Variants in OLFM3 observed in about 807,000 individuals in gnomAD.
OLFM3 encodes the protein olfactomedin 3.
A neutral mutation model predicts 48.6 loss-of-function variants in OLFM3; 20 were observed. That is an observed-to-expected ratio of 0.41 (90% CI 0.29 to 0.60). The LOEUF is 0.60. Among genes scored for constraint, OLFM3 ranks in the 20% least tolerant of loss-of-function variants. The pLI is 0.28. For missense variants in OLFM3, 437 were observed against 544.3 expected, an observed-to-expected ratio of 0.80 and a Z score of 1.96; for synonymous variants, 222 against 198.1, an observed-to-expected ratio of 1.12 and a Z score of -1.01.
intron 1 of OLFM3, among the ~76,000 whole-genome samples, chr1:101,931,237 C>T (rs1412210242): frequency 2.6e-5 from 4 of 152,124 alleles, no homozygotes; most frequent in African/African-American, 9.7e-5. Flanking sequence ...TTCTTTTGTA[C>T]AAATGCATAA....
chr1:101,869,280 A>G (rs1251799518), intron 1 of OLFM3, among the ~76,000 whole-genome samples: 1 of 152,180 alleles, frequency 6.6e-6, no homozygotes, highest in Non-Finnish European at 1.5e-5. Context: ...AGAGCTACCC[A>G]AGGCTCTGGG....
intron 1 of OLFM3, among the ~76,000 whole-genome samples, chr1:101,883,342 T>TAC (rs948633950): frequency 1.2e-4 from 18 of 149,932 alleles, no homozygotes; most frequent in East Asian, 2.0e-4. Context: ...ACTCTATATA[T>TAC]ACACACACAC....
intron 1 of OLFM3, among the ~76,000 whole-genome samples, chr1:101,972,979 C>T (rs779779698): frequency 5.3e-5 from 8 of 151,982 alleles, no homozygotes; most frequent in Non-Finnish European, 8.8e-5. Flanking sequence ...GGCCTTGAGG[C>T]GTTCATGAGA....
At chr1:101,984,513 TCAG>T (rs897181652) in intron 1 of OLFM3, among the ~76,000 whole-genome samples, 5 of 152,152 alleles carry the variant, frequency 3.3e-5, no homozygotes, top group Non-Finnish European at 5.9e-5. Context: ...TTCTCCTGCC[TCAG>T]CATCCCAAGT....
chr1:101,805,150 G>T (rs1324146204), intron 5 of OLFM3, among the ~76,000 whole-genome samples: 2 of 151,666 alleles, frequency 1.3e-5, no homozygotes, highest in Non-Finnish European at 2.9e-5. Flanking sequence ...TTGCTTTTTT[G>T]CTTTTTCTCT....
intron 1 of OLFM3, among the ~76,000 whole-genome samples, chr1:101,952,080 C>A (rs780529084): frequency 6.6e-6 from 1 of 152,034 alleles, no homozygotes; most frequent in Non-Finnish European, 1.5e-5. Flanking sequence ...TACTTTTGAT[C>A]AAAAGTCACT....
chr1:101,813,744 C>T (rs138622995), intron 4 of OLFM3, among the ~76,000 whole-genome samples: 2 of 152,296 alleles, frequency 1.3e-5, no homozygotes, highest in African/African-American at 4.8e-5. Flanking sequence ...TGCCCAATTG[C>T]AGGCTTTGTC....
intron 1 of OLFM3, among the ~76,000 whole-genome samples, chr1:101,921,259 A>G (rs2101038276): frequency 6.6e-6 from 1 of 151,748 alleles, no homozygotes; most frequent in African/African-American, 2.4e-5. Flanking sequence ...CCAACCTCTT[A>G]TAAGGCTGGT....
intron 1 of OLFM3, among the ~76,000 whole-genome samples, chr1:101,991,623 T>C (rs1379785385): frequency 1.3e-5 from 2 of 151,804 alleles, no homozygotes; most frequent in Non-Finnish European, 2.9e-5. Flanking sequence ...TCTTTTCATA[T>C]GGAAAACAAG....
At chr1:101,887,087 T>A (rs1657793087) in intron 1 of OLFM3, among the ~76,000 whole-genome samples, 1 of 151,990 alleles carries the variant, frequency 6.6e-6, no homozygotes, top group Admixed American at 6.6e-5. Flanking sequence ...GAGAAAATTT[T>A]GTTTTTTTAA....
At chr1:101,880,672 G>A (rs1227190483) in intron 1 of OLFM3, among the ~76,000 whole-genome samples, 1 of 151,720 alleles carries the variant, frequency 6.6e-6, no homozygotes, top group South Asian at 2.1e-4. Flanking sequence ...AAATATTAAG[G>A]TCTTGCCAAG....
chr1:101,852,066 CAACGTCGATA>C (rs765585589), intron 1 of OLFM3, among the ~76,000 whole-genome samples: 35 of 152,008 alleles, frequency 2.3e-4, no homozygotes, highest in Non-Finnish European at 3.7e-4. Context: ...CCTCTTTTTC[CAACGTCGATA>C]AATTTTCCCT....
chr1:101,856,495 C>T (rs759725891), intron 1 of OLFM3, among the ~76,000 whole-genome samples: 1 of 151,906 alleles, frequency 6.6e-6, no homozygotes, highest in Non-Finnish European at 1.5e-5. Flanking sequence ...GAAAAGAGAC[C>T]AGTGACTTAC....
chr1:101,916,854 C>T (rs933595324), intron 1 of OLFM3, among the ~76,000 whole-genome samples: 9 of 151,980 alleles, frequency 5.9e-5, no homozygotes, highest in African/African-American at 1.7e-4. Flanking sequence ...GACGTATGAG[C>T]GAATTAAGCA....
At chr1:101,810,963 T>G (rs985951413) in intron 4 of OLFM3, among the ~76,000 whole-genome samples, 3 of 151,824 alleles carry the variant, frequency 2.0e-5, no homozygotes, top group African/African-American at 7.2e-5. Flanking sequence ...GTTAAATGAT[T>G]ACAATCTTGG....
chr1:101,960,517 G>T (rs1255238146), intron 1 of OLFM3, among the ~76,000 whole-genome samples: 1 of 152,122 alleles, frequency 6.6e-6, no homozygotes, highest in East Asian at 1.9e-4. Context: ...TAGCATTATT[G>T]CTGTATTTGC....
chr1:101,823,956 G>A (rs1051160648), intron 4 of OLFM3, among the ~76,000 whole-genome samples: 1 of 150,106 alleles, frequency 6.7e-6, no homozygotes, highest in Admixed American at 6.7e-5. Flanking sequence ...TGTGATAACT[G>A]AATGCAACAT....
chr1:101,868,524 A>G (rs1395379299), intron 1 of OLFM3, among the ~76,000 whole-genome samples: 1 of 152,240 alleles, frequency 6.6e-6, no homozygotes, highest in African/African-American at 2.4e-5. Context: ...TAAGCAGCAA[A>G]GCATTGAAGA....
intron 1 of OLFM3, among the ~76,000 whole-genome samples, chr1:101,943,448 T>C (rs1368971333): frequency 6.6e-6 from 1 of 152,186 alleles, no homozygotes; most frequent in Non-Finnish European, 1.5e-5. Flanking sequence ...TGGTTGTCCA[T>C]TTACTGGCAC....
Sources: allele counts gnomAD v4.1 joint callset (sites outside exome capture counted in the v4.1 genomes callset), GRCh38; gene constraint gnomAD v4.1.1; transcripts MANE v1.5; gene names NCBI Gene and HGNC (gene_info 2026-07-23, HGNC 2026-07-21).